Variants in OTUD7A observed in about 807,000 individuals in gnomAD.
The protein encoded by OTUD7A is OTU deubiquitinase 7A, also known as OTU domain-containing protein 7A.
OTUD7A carries 12 observed loss-of-function variants against 65.7 expected under a neutral mutation model. The observed-to-expected ratio is 0.18, with a 90% confidence interval of 0.12 to 0.30. The LOEUF is 0.30. Ranked by LOEUF, OTUD7A falls within the 10% of genes least tolerant of loss-of-function variation. The pLI is 1.00. For synonymous variants in OTUD7A, 641 were observed against 586.3 expected, an observed-to-expected ratio of 1.09 and a Z score of -1.35; for missense variants, 1,148 against 1,304.8, an observed-to-expected ratio of 0.88 and a Z score of 1.85.
chr15:31,560,033 G>A (rs1483894457), intron 4 of OTUD7A, among the ~76,000 whole-genome samples: 1 of 152,226 alleles, frequency 6.6e-6, no homozygotes, highest in African/African-American at 2.4e-5. Context: ...CATCAGCACT[G>A]TCAAAGAGCA....
intron 1 of OTUD7A, among the ~76,000 whole-genome samples, chr15:31,866,418 G>A (rs373429332): frequency 2.6e-5 from 4 of 152,130 alleles, no homozygotes; most frequent in South Asian, 2.1e-4. Context: ...GGCAGCGTCC[G>A]GCCCTTCTCT....
rs1296468953 is a variant in OTUD7A at position 31,487,658 on chromosome 15, A to G, written c.1172-92T>C. 12 of 904,872 alleles carry G rather than the reference A, an allele frequency of 1.3e-5. No individual in the cohort carries two copies. In the Admixed American group the frequency reaches 2.3e-4, roughly 17 times the overall value. 56.1% of individuals were successfully genotyped at this position (904,872 alleles called of 1,614,324 possible). On this transcript the variant is annotated intron_variant, in intron 10 of 12. Transcript: ENST00000307050. This position sits in a 1 kb window ranked among gnomAD's most constrained non-coding sequence, Gnocchi z 6.0. ...TCCCAAGCCAGGTATCTGGGTGACAAATGCACCGAGTGGACATCTACACAG... is the reference window on the plus strand; with the variant it reads ...TCCCAAGCCAGGTATCTGGGTGACAGATGCACCGAGTGGACATCTACACAG...
chr15:31,689,961 C>G (rs71476560), intron 1 of OTUD7A, among the ~76,000 whole-genome samples: 26,634 of 152,220 alleles, frequency 0.17, 2,593 homozygotes, highest in East Asian at 0.25. Context: ...TACACCCCAT[C>G]TCGACTGGGC....
chr15:31,718,936 C>T (rs1393047864), intron 1 of OTUD7A, among the ~76,000 whole-genome samples: 1 of 150,134 alleles, frequency 6.7e-6, no homozygotes, highest in Admixed American at 6.6e-5. Context: ...AACCCTCTGA[C>T]TTTATATAAC....
At chr15:31,797,120 T>C (rs1333453573) in intron 1 of OTUD7A, among the ~76,000 whole-genome samples, 2 of 152,108 alleles carry the variant, frequency 1.3e-5, no homozygotes, top group Non-Finnish European at 2.9e-5. Context: ...AGCTCCTCAT[T>C]CAGAGCTGCC....
intron 1 of OTUD7A, among the ~76,000 whole-genome samples, chr15:31,734,824 C>G (rs1894141903): frequency 6.6e-6 from 1 of 151,672 alleles, no homozygotes; most frequent in Non-Finnish European, 1.5e-5. Flanking sequence ...CTAGGCAATA[C>G]CATCCTGGAC....
chr15:31,809,066 A>G (rs531901343), intron 1 of OTUD7A, among the ~76,000 whole-genome samples: 1 of 152,296 alleles, frequency 6.6e-6, no homozygotes, highest in East Asian at 1.9e-4. Context: ...CAGGAGAGGA[A>G]GCAGGCATAA....
chr15:31,864,088 C>G (rs1897815652), intron 1 of OTUD7A, among the ~76,000 whole-genome samples: 1 of 152,228 alleles, frequency 6.6e-6, no homozygotes, highest in Non-Finnish European at 1.5e-5. Context: ...CAGTTCCCAA[C>G]AAGTTCCTCA....
At chr15:31,555,244 G>A (rs1888452340) in intron 5 of OTUD7A, among the ~76,000 whole-genome samples, 1 of 152,164 alleles carries the variant, frequency 6.6e-6, no homozygotes, top group Admixed American at 6.5e-5. Flanking sequence ...CAAGGGAAAA[G>A]GAAGTCCTCC....
At chr15:31,668,479 T>G (rs1449771525) in intron 1 of OTUD7A, among the ~76,000 whole-genome samples, 1 of 152,238 alleles carries the variant, frequency 6.6e-6, no homozygotes, top group African/African-American at 2.4e-5. Context: ...TATAAGTGTG[T>G]CCAGTGTTTC....
chr15:31,807,812 CA>C (rs869252848), intron 1 of OTUD7A, among the ~76,000 whole-genome samples: 28 of 152,180 alleles, frequency 1.8e-4, no homozygotes, highest in Admixed American at 3.9e-4. Context: ...CCCAACCCCC[CA>C]AAAAAACCCA....
chr15:31,512,134 C>G (rs2141100086), intron 8 of OTUD7A, among the ~76,000 whole-genome samples: 1 of 152,290 alleles, frequency 6.6e-6, no homozygotes, highest in South Asian at 2.1e-4. Context: ...GTCTTGATTA[C>G]TAAGGAAATA....
chr15:31,648,924 C>A (rs1315619501), intron 3 of OTUD7A, among the ~76,000 whole-genome samples: 1 of 152,118 alleles, frequency 6.6e-6, no homozygotes, highest in African/African-American at 2.4e-5. Context: ...CCACACCCAG[C>A]TAATTTTTGT....
chr15:31,729,246 G>T (rs1893975797), intron 1 of OTUD7A, among the ~76,000 whole-genome samples: 2 of 152,190 alleles, frequency 1.3e-5, no homozygotes, highest in South Asian at 2.1e-4. Context: ...ACGTATGGGG[G>T]TGTTAAGGGG....
chr15:31,768,277 T>A, intron 1 of OTUD7A: 1 of 733,866 alleles, frequency 1.4e-6, no homozygotes, highest in Middle Eastern at 3.5e-4. Flanking sequence ...CAGCGGCGAG[T>A]CTCGGCACAA....
At chr15:31,585,931 A>C (rs892694518) in intron 3 of OTUD7A, among the ~76,000 whole-genome samples, 10 of 152,218 alleles carry the variant, frequency 6.6e-5, no homozygotes, top group African/African-American at 2.4e-4. Flanking sequence ...TCTAGAAACA[A>C]ATGATATATA....
chr15:31,756,504 C>T (rs1894815599), intron 1 of OTUD7A, among the ~76,000 whole-genome samples: 1 of 152,166 alleles, frequency 6.6e-6, no homozygotes. Flanking sequence ...ATGTAATCAA[C>T]TATGGCCTCA....
At chr15:31,667,238 A>T (rs1185903398) in intron 1 of OTUD7A, among the ~76,000 whole-genome samples, 1 of 151,828 alleles carries the variant, frequency 6.6e-6, no homozygotes, top group Non-Finnish European at 1.5e-5. Flanking sequence ...GAAGTCCCCC[A>T]TATTATTGTG....
chr15:31,755,721 C>CA (rs371440352), intron 1 of OTUD7A, among the ~76,000 whole-genome samples: 290 of 124,556 alleles, frequency 2.3e-3, no homozygotes, highest in South Asian at 0.014. Flanking sequence ...GACTCTGTCT[C>CA]AAAAAAAAAA....
Sources: gnomAD v4.1 joint callset for allele counts (sites outside exome capture counted in the v4.1 genomes callset) on GRCh38, gnomAD v4.1.1 for gene constraint, Gnocchi (gnomAD v3.1) non-coding constraint, MANE v1.5 for transcripts, NCBI Gene and HGNC (gene_info 2026-07-23, HGNC 2026-07-21) for gene names.